The following IQANK1 variants were observed in gnomAD, a reference collection of about 807,000 sequenced individuals.
IQANK1 encodes IQ motif and ankyrin repeat domain-containing protein 1.
IQANK1 carries 30 observed loss-of-function variants against 22.6 expected under a neutral mutation model. That is an observed-to-expected ratio of 1.33 (90% CI 0.99 to 1.80). The LOEUF (loss-of-function observed/expected upper bound fraction) is 1.80. Ranked by LOEUF, IQANK1 falls within the 40% of genes most tolerant of loss-of-function variation. The pLI is 0.00. For synonymous variants in IQANK1, 122 were observed against 99.6 expected (o/e 1.23, Z -1.34); for missense variants, 275 against 235.2 (o/e 1.17, Z -1.11).
chr8:143,751,345 C>A (rs1554628004), intron 3 of IQANK1, among the ~76,000 whole-genome samples: 1 of 151,922 alleles, frequency 6.6e-6, no homozygotes, highest in Non-Finnish European at 1.5e-5. Flanking sequence ...GGCATGGTGG[C>A]TCAGGCCTGT....
chr8:143,755,750 T>C (rs574023830), intron 3 of IQANK1, among the ~76,000 whole-genome samples: 1 of 152,182 alleles, frequency 6.6e-6, no homozygotes, highest in Non-Finnish European at 1.5e-5. Context: ...ATTCCTCCAG[T>C]GAGGACACGC....
chr8:143,765,964 C>T (rs1554629197), intron 3 of IQANK1, among the ~76,000 whole-genome samples: 1 of 152,178 alleles, frequency 6.6e-6, no homozygotes, highest in African/African-American at 2.4e-5. Flanking sequence ...GGGGCACACA[C>T]CTGGGAGAAA....
intron 7 of IQANK1, among the ~76,000 whole-genome samples, chr8:143,772,744 A>G (rs1202103390): frequency 6.6e-6 from 1 of 152,158 alleles, no homozygotes; most frequent in African/African-American, 2.4e-5. Flanking sequence ...TCTGCAGTGG[A>G]AGTGGCAGCG....
intron 10 of IQANK1, 64 bp downstream of exon 10, chr8:143,789,592 A>C: frequency 1.6e-6 from 2 of 1,230,274 alleles, no homozygotes; most frequent in Non-Finnish European, 2.0e-6. Flanking sequence ...GTTCCAAACC[A>C]GCCCAGAGCT....
At chr8:143,739,693 C>T (rs1415533691) in intron 2 of IQANK1, among the ~76,000 whole-genome samples, 166 bp from the exon 3 acceptor site, 1 of 152,238 alleles carries the variant, frequency 6.6e-6, no homozygotes, top group Non-Finnish European at 1.5e-5. Context: ...TGGAGGAGCC[C>T]GTGCTCCTTA....
chr8:143,767,188 A>G (rs1819495957), intron 3 of IQANK1, among the ~76,000 whole-genome samples: 1 of 152,248 alleles, frequency 6.6e-6, no homozygotes, highest in African/African-American at 2.4e-5. Flanking sequence ...AAAGCAAAAC[A>G]GCCCTGCTGG....
chr8:143,777,960 C>T (rs1024151618), intron 7 of IQANK1, among the ~76,000 whole-genome samples: 26 of 152,066 alleles, frequency 1.7e-4, no homozygotes, highest in African/African-American at 5.1e-4. Flanking sequence ...TTTGGAAGGC[C>T]GAGGCGGGCG....
chr8:143,764,696 G>T (rs782075761), intron 3 of IQANK1, among the ~76,000 whole-genome samples: 8 of 152,088 alleles, frequency 5.3e-5, no homozygotes, highest in Non-Finnish European at 7.4e-5. Context: ...ATTTTTACAG[G>T]GGTAAATTTC....
At chr8:143,737,123 C>G (rs1420844556) in intron 2 of IQANK1, among the ~76,000 whole-genome samples, 1 of 152,234 alleles carries the variant, frequency 6.6e-6, no homozygotes, top group African/African-American at 2.4e-5. Flanking sequence ...GCCAGCCGCC[C>G]TCCTGGAATG....
chr8:143,743,613 C>T (rs116706930), intron 3 of IQANK1, among the ~76,000 whole-genome samples: 7 of 152,302 alleles, frequency 4.6e-5, no homozygotes, highest in African/African-American at 1.7e-4. Context: ...GGAAATGTAT[C>T]GTGTTGGGTG....
chr8:143,773,795 C>T (rs1036207047), intron 7 of IQANK1, among the ~76,000 whole-genome samples: 19 of 152,088 alleles, frequency 1.2e-4, no homozygotes, highest in African/African-American at 4.6e-4. Context: ...AGGGCCGAGG[C>T]GGTGGGCTTA....
intron 2 of IQANK1, among the ~76,000 whole-genome samples, chr8:143,738,514 G>A (rs956013927): frequency 9.9e-5 from 15 of 152,140 alleles, no homozygotes; most frequent in Admixed American, 6.5e-4. Flanking sequence ...GCGGTGGCTC[G>A]CCTGGGCTGA....
intron 3 of IQANK1, among the ~76,000 whole-genome samples, chr8:143,748,960 TATATATCATATATAA>T (rs1477145402): frequency 2.5e-4 from 29 of 115,280 alleles, no homozygotes; most frequent in East Asian, 1.3e-3. Context: ...TATATATAAA[TATATATCATATATAA>T]ATATATCATA....
intron 3 of IQANK1, among the ~76,000 whole-genome samples, chr8:143,763,399 GTATTT>G (rs1819429913): frequency 6.6e-6 from 1 of 152,172 alleles, no homozygotes; most frequent in Non-Finnish European, 1.5e-5. Flanking sequence ...CCTGCTCTAA[GTATTT>G]TATATTTATT....
At chr8:143,761,287 G>A (rs1218015405) in intron 3 of IQANK1, among the ~76,000 whole-genome samples, 1 of 152,194 alleles carries the variant, frequency 6.6e-6, no homozygotes, top group East Asian at 1.9e-4. Context: ...CGTCTCCCCT[G>A]GGAGTCCCGG....
rs1819588059 is a variant in IQANK1, at chr8:143,772,121, C to G, written c.541C>G (p.Arg181Gly). The G allele has an allele frequency of 2.5e-6, 1 of 395,756 alleles. No individual in the cohort carries two copies. Among genetic ancestry groups the G allele is most frequent in the Non-Finnish European group, 4.5e-6 (1 of 224,284 alleles). 24.5% of individuals were successfully genotyped at this position (395,756 alleles called of 1,614,324 possible). ...AGGCGAGGCGCGGCGGCTGCAGCGA[C>G]GCGTGGCTCTGGCGGAGTGCGAGGA... Reference protein sequence around the residue: ...EAGEARRLQRRVALAECEDSY... With the variant: ...EAGEARRLQRGVALAECEDSY... The change falls in exon 6 of 14, where the codon CGC becomes GGC. Residue 181 changes from arginine to glycine, a missense_variant. Arg to Gly is a moderately radical substitution (Grantham distance 125). Transcript: ENST00000527139.
chr8:143,759,853 C>T (rs1298347879), intron 3 of IQANK1: 1 of 152,112 alleles, frequency 6.6e-6, no homozygotes, highest in African/African-American at 2.4e-5. Context: ...CTTTTTATAC[C>T]ATGACAGCCG....
intron 2 of IQANK1, among the ~76,000 whole-genome samples, chr8:143,738,966 G>A (rs1273128941): frequency 6.6e-6 from 1 of 152,120 alleles, no homozygotes. Flanking sequence ...CTAGGGCAGG[G>A]TTCGGGCCAC....
At chr8:143,738,273 C>T (rs1818797678) in intron 2 of IQANK1, among the ~76,000 whole-genome samples, 1 of 152,174 alleles carries the variant, frequency 6.6e-6, no homozygotes. Context: ...GGTGTCTGCT[C>T]CCCAGGGGCC....
Sources: gnomAD v4.1 joint callset for allele counts (sites outside exome capture counted in the v4.1 genomes callset) on GRCh38, gnomAD v4.1.1 for gene constraint, MANE v1.5 for transcripts, NCBI Gene and HGNC (gene_info 2026-07-23, HGNC 2026-07-21) for gene names.